PDE6C: variants seen among roughly 807,000 people sequenced by gnomAD.
The protein encoded by PDE6C is cone cGMP-specific 3',5'-cyclic phosphodiesterase subunit alpha'.
Under a neutral mutation model 113.1 loss-of-function variants are expected in PDE6C, and 75 were observed. That is an observed-to-expected ratio of 0.66 (90% CI 0.55 to 0.80). The LOEUF (loss-of-function observed/expected upper bound fraction) is 0.80. Ranked by LOEUF, PDE6C falls within the 30% of genes least tolerant of loss-of-function variation. The pLI is 0.00. For synonymous variants in PDE6C, 375 were observed against 363.7 expected, an observed-to-expected ratio of 1.03 and a Z score of -0.35; for missense variants, 912 against 1,038.6, an observed-to-expected ratio of 0.88 and a Z score of 1.67.
intron 21 of PDE6C, among the ~76,000 whole-genome samples, chr10:93,663,525 T>C (rs1443392743): frequency 4.6e-5 from 7 of 152,102 alleles, no homozygotes; most frequent in Non-Finnish European, 8.8e-5. Flanking sequence ...AGAAAAAAGT[T>C]TTTGTCCCAA....
chr10:93,661,928 T>G (rs1362470704), intron 18 of PDE6C, 131 bp from the exon 19 acceptor site: 1 of 725,372 alleles, frequency 1.4e-6, no homozygotes, highest in African/African-American at 1.8e-5. Flanking sequence ...TTTTAAAAGT[T>G]AAGAGCATAC....
rs568212531 is a variant in PDE6C at position 93,639,842 on chromosome 10, A to G, written c.1483-228A>G. The stretch of plus-strand genomic sequence containing the variant: ...ACCCATCACTTAGAAAGTCTTTAAT[A>G]TGGCCAAGTCTCAGTTTCATCACCT... On this transcript the variant is annotated intron_variant, in intron 11 of 21. Transcript: ENST00000371447. Among the ~76,000 whole-genome samples the G allele has an allele frequency of 1.7e-4, 26 of 152,346 alleles. 2 individuals carry two copies. In the South Asian group the frequency reaches 5.2e-3, roughly 30 times the overall value.
At chr10:93,644,857 GTA>G (rs911966427) in intron 14 of PDE6C, among the ~76,000 whole-genome samples, 5 of 117,326 alleles carry the variant, frequency 4.3e-5, no homozygotes, top group Non-Finnish European at 5.9e-5. Context: ...TATATATAGT[GTA>G]TATATATAGT....
intron 16 of PDE6C, among the ~76,000 whole-genome samples, chr10:93,657,036 C>T (rs2133875925): frequency 6.6e-6 from 1 of 152,246 alleles, no homozygotes; most frequent in East Asian, 1.9e-4. Context: ...TGAGGTATTC[C>T]ACCCCTACTC....
At chr10:93,652,504 G>A (rs1296159510) in intron 15 of PDE6C, among the ~76,000 whole-genome samples, 1 of 152,188 alleles carries the variant, frequency 6.6e-6, no homozygotes, top group Non-Finnish European at 1.5e-5. Context: ...AGTGCTATAT[G>A]CAAAAGAAGC....
chr10:93,630,833 G>C (rs1193479284), intron 8 of PDE6C, among the ~76,000 whole-genome samples: 1 of 152,158 alleles, frequency 6.6e-6, no homozygotes, highest in Non-Finnish European at 1.5e-5. Context: ...GATTGACATG[G>C]AAAACATGTA....
At chr10:93,664,922 G>A (rs966154287) in intron 21 of PDE6C, among the ~76,000 whole-genome samples, 1 of 152,188 alleles carries the variant, frequency 6.6e-6, no homozygotes, top group African/African-American at 2.4e-5. Context: ...AGGCTGGAGT[G>A]CAATGGCATG....
intron 14 of PDE6C, among the ~76,000 whole-genome samples, chr10:93,641,829 C>T (rs192559842): frequency 3.3e-5 from 5 of 152,228 alleles, no homozygotes; most frequent in African/African-American, 1.2e-4. Context: ...ATCTTAACAT[C>T]GATGCCATCT....
chr10:93,635,014 T>A, intron 9 of PDE6C, 107 bp downstream of exon 9: 1 of 1,148,972 alleles, frequency 8.7e-7, no homozygotes, highest in Non-Finnish European at 1.3e-6. Flanking sequence ...CATTAAGACA[T>A]GAGTCACACA....
At chr10:93,636,386 G>C (rs1037283660) in intron 10 of PDE6C, among the ~76,000 whole-genome samples, 1 of 149,464 alleles carries the variant, frequency 6.7e-6, no homozygotes, top group Non-Finnish European at 1.5e-5. Context: ...GTGTGTGTGT[G>C]TGTGTGTGTG....
At chr10:93,664,231 G>A (rs998615009) in intron 21 of PDE6C, among the ~76,000 whole-genome samples, 22 of 152,296 alleles carry the variant, frequency 1.4e-4, no homozygotes, top group East Asian at 3.9e-4. Flanking sequence ...TAACGATCTC[G>A]AAGAAGGCAC....
In PDE6C at chr10:93,612,810, C is replaced by A. The variant is rs121918537; in HGVS notation, c.85C>A (p.Arg29=). The change falls in exon 1 of 22, where the codon CGG becomes AGG. Residue 29 remains arginine, a synonymous_variant. Coordinates refer to ENST00000371447, the MANE Select transcript of PDE6C (RefSeq NM_006204.4). ...CAAGGAGTACTTTGACAGGAAGTTG[C>A]GGGTGGAGGTGCTGGGAGAAATCTT... is the stretch of plus-strand genomic sequence containing the variant. ...FAKEYFDRKL[R]VEVLGEIFKN... 5 of 1,613,994 alleles carry A rather than the reference C, an allele frequency of 3.1e-6. No individual in the cohort carries two copies. The highest frequency in any genetic ancestry group is 1.7e-5 in the Admixed American group (1 of 59,992).
intron 15 of PDE6C, among the ~76,000 whole-genome samples, chr10:93,646,628 G>C (rs1205551776): frequency 1.3e-5 from 2 of 152,080 alleles, no homozygotes; most frequent in Admixed American, 1.3e-4. Flanking sequence ...AAGGGGGAGC[G>C]AGCACTTCAT....
Position 93,625,577 on chromosome 10 carries a change from A to T in PDE6C, c.867A>T (p.Glu289Asp). ...IGLLDMTKEK[E>D]FYDEWPIKLG... Reference sequence around the variant, plus strand: ...TACTTAAATCTGATTGCCTCCAGGAATTCTACGATGAATGGCCAATCAAGC... The same window carrying T: ...TACTTAAATCTGATTGCCTCCAGGATTTCTACGATGAATGGCCAATCAAGC... Residue 289 changes from glutamate to aspartate, a missense_variant and splice_region_variant, in exon 5 of 22, where the codon GAA becomes GAT. Transcript: ENST00000371447. 1 of 1,610,472 alleles carries T rather than the reference A, an allele frequency of 6.2e-7. No individual in the cohort carries two copies.
Position 93,646,092 on chromosome 10 carries a change from C to G in PDE6C, c.1935+45C>G, listed in dbSNP as rs1589701586. 4.6e-6 allele frequency: 5 copies of G among 1,096,780 alleles called. No individual in the cohort carries two copies. The East Asian group carries it at 1.2e-4, about 26-fold the overall frequency. The allele number at this position is 1,096,780 out of a possible 1,614,324, so 67.9% of individuals were successfully genotyped here. On this transcript the variant is annotated intron_variant, in intron 15 of 21. Coordinates refer to ENST00000371447, the MANE Select transcript of PDE6C (RefSeq NM_006204.4). ...GGACAGCTAAACACAAATTCTGGAT[C>G]AAAGCACTAACCCACAGAAAATGCT...
In PDE6C at chr10:93,613,161, G is replaced by T; in HGVS notation, c.436G>T (p.Ala146Ser). The T allele has an allele frequency of 6.2e-7, 1 of 1,613,966 alleles. No homozygotes were observed. Among genetic ancestry groups the T allele is most frequent in the Non-Finnish European group, 8.5e-7 (1 of 1,180,044 alleles). The part of the protein sequence containing the change: ...FPLDIGIVGW[A>S]AHTKKTHNVP... ...ATTGGACATTGGGATAGTGGGTTGGGCTGCTCACACGAAGAAAACTCATAA... is the reference window on the plus strand; with the variant it reads ...ATTGGACATTGGGATAGTGGGTTGGTCTGCTCACACGAAGAAAACTCATAA... The change falls in exon 1 of 22, where the codon GCT (alanine) becomes TCT (serine). Residue 146 changes from alanine (A) to serine (S), a missense_variant. Coordinates refer to ENST00000371447, the MANE Select transcript of PDE6C (RefSeq NM_006204.4).
Position 93,640,102 on chromosome 10 carries a change from A to G in PDE6C, c.1515A>G (p.Glu505=). 1 of 1,614,136 alleles carries G rather than the reference A, an allele frequency of 6.2e-7. No individual in the cohort carries two copies. Among genetic ancestry groups the G allele is most frequent in the Non-Finnish European group, 8.5e-7 (1 of 1,179,978 alleles). The part of the protein sequence containing the change: ...KEDLPDPRSA[E]LYEFRFSDFP... Reference sequence around the variant, plus strand: ...ACTTGCCAGACCCACGCTCAGCAGAACTGTACGAATTCCGCTTCAGTGACT... The same window carrying G: ...ACTTGCCAGACCCACGCTCAGCAGAGCTGTACGAATTCCGCTTCAGTGACT... Residue 505 remains glutamate (E), a synonymous_variant, in exon 12 of 22, where the codon GAA becomes GAG. Coordinates refer to ENST00000371447, the MANE Select transcript of PDE6C (RefSeq NM_006204.4).
rs144178605 is a variant in PDE6C at position 93,655,898 on chromosome 10, T to C, written c.2036+38T>C. The C allele has an allele frequency of 5.8e-6, 6 of 1,026,252 alleles. No homozygotes were observed. The East Asian group carries it at 1.4e-4, about 24-fold the overall frequency. The allele number at this position is 1,026,252 out of a possible 1,614,324, so 63.6% of individuals were successfully genotyped here. ...CTCTGCACAGTGGAATGCCCTATAC[T>C]CTGTGTGGTTTTACCTTCCATAAAT... is the stretch of plus-strand genomic sequence containing the variant. On this transcript the variant is annotated intron_variant, in intron 16 of 21. Transcript: ENST00000371447.
intron 14 of PDE6C, among the ~76,000 whole-genome samples, chr10:93,644,874 A>ATATATAGTGTATATATATAG (rs1564802406): frequency 9.3e-6 from 1 of 107,816 alleles, no homozygotes; most frequent in East Asian, 2.5e-4. Flanking sequence ...TATAGTACAT[A>ATATATAGTGTATATATATAG]TACAGTATAT....
Sources: allele counts gnomAD v4.1 joint callset (sites outside exome capture counted in the v4.1 genomes callset), GRCh38; gene constraint gnomAD v4.1.1; transcripts MANE v1.5; gene names NCBI Gene and HGNC (gene_info 2026-07-23, HGNC 2026-07-21).